The following ZNF891 variants were observed in gnomAD, a reference collection of about 807,000 sequenced individuals.
ZNF891 encodes the protein zinc finger protein 891.
For missense variants in ZNF891, 589 were observed against 632.7 expected, an observed-to-expected ratio of 0.93 and a Z score of 0.74; for synonymous variants, 199 against 209.0, an observed-to-expected ratio of 0.95 and a Z score of 0.41.
In ZNF891 at chr12:133,121,119, T is replaced by C. The variant is rs770345054; in HGVS notation, c.800A>G (p.Tyr267Cys). 3.5e-5 allele frequency: 54 copies of C among 1,535,432 alleles called. No homozygotes were observed. Among genetic ancestry groups the C allele is most frequent in the Non-Finnish European group, 4.3e-5 (49 of 1,146,816 alleles). Reference sequence around the variant, plus strand: ...GTGCATTCCATGTTTAGAATATGTGTACTCTTTTTGTACTGTTTGATTTCT... The same window carrying C: ...GTGCATTCCATGTTTAGAATATGTGCACTCTTTTTGTACTGTTTGATTTCT... ...FQRNQTVQKEYTYSKHGMHFT... is the reference protein window; with the variant it reads ...FQRNQTVQKECTYSKHGMHFT... The change falls in exon 2 of 2, where the codon TAC (tyrosine) becomes TGC (cysteine). Residue 267 changes from tyrosine (Y) to cysteine (C), a missense_variant. Physicochemically the swap from Tyr to Cys is radical, Grantham distance 194 (BLOSUM62 -2). Transcript: ENST00000537226.
In ZNF891 at chr12:133,121,201, TAG is replaced by T. The variant is rs1280592734; in HGVS notation, c.716_717del (p.Ser239TyrfsTer3). The T allele has an allele frequency of 9.3e-5, 143 of 1,535,398 alleles. No homozygotes were observed. Among genetic ancestry groups the T allele is most frequent in the Non-Finnish European group, 1.2e-4 (132 of 1,146,842 alleles). On this transcript the variant is annotated frameshift_variant, in exon 2 of 2. Coordinates refer to ENST00000537226, the MANE Select transcript of ZNF891 (RefSeq NM_001277291.2). LOFTEE classifies it low-confidence loss of function (END_TRUNC). ...TGACTTTCATAGAGCTTCTCACTTA[TAG>T]AGTTTTTCACATAATTGTTTATGAT... ...NSIINNYVKN[S>X]ISEKLYESHE...
chr12:133,127,467 C>T (rs1955828686), intron 1 of ZNF891, among the ~76,000 whole-genome samples: 1 of 152,200 alleles, frequency 6.6e-6, no homozygotes, highest in Non-Finnish European at 1.5e-5. Context: ...GCTCCATTTC[C>T]TATCTAGCTT....
rs1323963126 is a variant in ZNF891, at chr12:133,105,453, C to T, written c.*14831G>A. 1.0e-5 allele frequency: 15 copies of T among 1,471,956 alleles called. No homozygotes were observed. Among genetic ancestry groups the T allele is most frequent in the Non-Finnish European group, 1.3e-5 (14 of 1,109,072 alleles). The allele number at this position is 1,471,956 out of a possible 1,614,324, so 91.2% of individuals were successfully genotyped here. ...TGTTGCTAAAGAAGGGAGAAATGGCCTTATTTTATTCAATACAGGAAAAAG... is the reference window on the plus strand; with the variant it reads ...TGTTGCTAAAGAAGGGAGAAATGGCTTTATTTTATTCAATACAGGAAAAAG... On this transcript the variant is annotated 3_prime_UTR_variant, in exon 2 of 2. Coordinates refer to ENST00000537226, the MANE Select transcript of ZNF891 (RefSeq NM_001277291.2).
chr12:133,107,371 T>C lies in ZNF891; in HGVS notation c.*12913A>G, dbSNP rs1955636717. 1 of 152,222 alleles carries C rather than the reference T, an allele frequency of 6.6e-6. No homozygotes were observed. The highest frequency in any genetic ancestry group is 2.4e-5 in the African/African-American group (1 of 41,458). The allele number at this position is 152,222 out of a possible 1,614,324, so 9.4% of individuals were successfully genotyped here. On this transcript the variant is annotated 3_prime_UTR_variant, in exon 2 of 2. Transcript: ENST00000537226. Reference sequence around the variant, plus strand: ...TATTTTGAGGGAAGGGGGATTCCTTTTTGTTTTTTAAGTGAATTCAGAAAA... The same window carrying C: ...TATTTTGAGGGAAGGGGGATTCCTTCTTGTTTTTTAAGTGAATTCAGAAAA...
chr12:133,125,429 T>A (rs897174776), intron 1 of ZNF891: 1 of 154,102 alleles, frequency 6.5e-6, no homozygotes, highest in Admixed American at 6.5e-5. Context: ...AAATAATATA[T>A]AATGTCCAAG....
chr12:133,118,467 C>G lies in ZNF891; in HGVS notation c.*1817G>C, dbSNP rs1386901005. The G allele has an allele frequency of 6.6e-6, 1 of 152,140 alleles. No individual in the cohort carries two copies. Among genetic ancestry groups the G allele is most frequent in the Admixed American group, 6.6e-5 (1 of 15,266 alleles). 9.4% of individuals were successfully genotyped at this position (152,140 alleles called of 1,614,324 possible). On this transcript the variant is annotated 3_prime_UTR_variant, in exon 2 of 2. Coordinates refer to ENST00000537226, the MANE Select transcript of ZNF891 (RefSeq NM_001277291.2). Reference sequence around the variant, plus strand: ...AGACACCTCCTCAATTCTAGAATTGCGTACCAACCTCTTCATCTGGATGTC... The same window carrying G: ...AGACACCTCCTCAATTCTAGAATTGGGTACCAACCTCTTCATCTGGATGTC...
In ZNF891 at chr12:133,114,376, A is replaced by C. The variant is rs1251266780; in HGVS notation, c.*5908T>G. The C allele has an allele frequency of 6.6e-6, 1 of 152,312 alleles. No individual in the cohort carries two copies. The highest frequency in any genetic ancestry group is 2.4e-5 in the African/African-American group (1 of 41,444). The allele number at this position is 152,312 out of a possible 1,614,324, so 9.4% of individuals were successfully genotyped here. On this transcript the variant is annotated 3_prime_UTR_variant, in exon 2 of 2. Coordinates refer to ENST00000537226, the MANE Select transcript of ZNF891 (RefSeq NM_001277291.2). ...GTCTCATGTTACTCAGGCTGGTCTC[A>C]AACTCCTGGGCTCAAGCAATCCTCC...
intron 1 of ZNF891, among the ~76,000 whole-genome samples, chr12:133,122,535 G>A (rs923520472): frequency 6.6e-6 from 1 of 152,180 alleles, no homozygotes; most frequent in Non-Finnish European, 1.5e-5. Flanking sequence ...CTTTGAAACA[G>A]ATGTTCACTT....
In ZNF891 at chr12:133,105,055, GA is replaced by G. The variant is rs1308444481; in HGVS notation, c.*15228del. Among the ~76,000 whole-genome samples, 1 of 152,130 alleles carries G rather than the reference GA, an allele frequency of 6.6e-6. No homozygotes were observed. The highest frequency in any genetic ancestry group is 1.5e-5 in the Non-Finnish European group (1 of 68,022). On this transcript the variant is annotated 3_prime_UTR_variant, in exon 2 of 2. Transcript: ENST00000537226. ...GGAGGATCATAGGCAAGTTTTCAGA[GA>G]AACCGCTTTTTTTTTCATTTAGATT...
chr12:133,119,542 C>T lies in ZNF891; in HGVS notation c.*742G>A, dbSNP rs1346892067. On this transcript the variant is annotated 3_prime_UTR_variant, in exon 2 of 2. Coordinates refer to ENST00000537226, the MANE Select transcript of ZNF891 (RefSeq NM_001277291.2). ...TGGGCAACATACCGAGACTCCATCT[C>T]AAAAAACAAACAAAAAACCTTATTT... is the stretch of plus-strand genomic sequence containing the variant. 1 of 146,562 alleles carries T rather than the reference C, an allele frequency of 6.8e-6. No individual in the cohort carries two copies. The highest frequency in any genetic ancestry group is 1.5e-5 in the Non-Finnish European group (1 of 64,548). 9.1% of individuals were successfully genotyped at this position (146,562 alleles called of 1,614,324 possible). A position where few individuals can be genotyped will look rare whatever the true frequency, so the allele number is the denominator to read the frequency against.
Position 133,106,222 on chromosome 12 carries a change from C to CCTTA in ZNF891, c.*14058_*14061dup. 4 of 1,614,210 alleles carry CCTTA rather than the reference C, an allele frequency of 2.5e-6. No individual in the cohort carries two copies. Among genetic ancestry groups the CCTTA allele is most frequent in the Non-Finnish European group, 3.4e-6 (4 of 1,180,030 alleles). On this transcript the variant is annotated 3_prime_UTR_variant, in exon 2 of 2. Coordinates refer to ENST00000537226, the MANE Select transcript of ZNF891 (RefSeq NM_001277291.2). ...GGAAGGCATTTCGCCGTTTCTCACA[C>CCTTA]CTTACTCGACATCAGAGCATCCATA...
In ZNF891 at chr12:133,107,098, C is replaced by T. The variant is rs1404723343; in HGVS notation, c.*13186G>A. ...GATGCACTTTGGAGATCAGAAAATTCATATTTAAGCAAAGTGATACAAACA... is the reference window on the plus strand; with the variant it reads ...GATGCACTTTGGAGATCAGAAAATTTATATTTAAGCAAAGTGATACAAACA... On this transcript the variant is annotated 3_prime_UTR_variant, in exon 2 of 2. Transcript: ENST00000537226. The T allele has an allele frequency of 1.3e-5, 2 of 153,396 alleles. No individual in the cohort carries two copies. Among genetic ancestry groups the T allele is most frequent in the African/African-American group, 2.4e-5 (1 of 41,446 alleles). 9.5% of individuals were successfully genotyped at this position (153,396 alleles called of 1,614,324 possible).
chr12:133,115,416 A>AAAAAAAAAAAAAAAAAAAAT lies in ZNF891; in HGVS notation c.*4867_*4868insATTTTTTTTTTTTTTTTTTT, dbSNP rs1955710657. 6.9e-6 allele frequency: 1 copy of AAAAAAAAAAAAAAAAAAAAT among 145,322 alleles called. No homozygotes were observed. The highest frequency in any genetic ancestry group is 1.5e-5 in the Non-Finnish European group (1 of 65,854). 9.0% of individuals were successfully genotyped at this position (145,322 alleles called of 1,614,324 possible). ...AAAAAAAAAAAAAAAAAAAAAAAAA[A>AAAAAAAAAAAAAAAAAAAAT]GATGTGGGATAAAAGGTATAACTCA... On this transcript the variant is annotated 3_prime_UTR_variant, in exon 2 of 2. Coordinates refer to ENST00000537226, the MANE Select transcript of ZNF891 (RefSeq NM_001277291.2).
chr12:133,121,202 A>G lies in ZNF891; in HGVS notation c.717T>C (p.Ser239=). 6.5e-7 allele frequency: 1 copy of G among 1,535,284 alleles called. No individual in the cohort carries two copies. The change falls in exon 2 of 2, where the codon TCT becomes TCC. Residue 239 remains serine (S), a synonymous_variant. Coordinates refer to ENST00000537226, the MANE Select transcript of ZNF891 (RefSeq NM_001277291.2). ...NSIINNYVKN[S]ISEKLYESHE... is the part of the protein sequence containing the mutation. ...GACTTTCATAGAGCTTCTCACTTATAGAGTTTTTCACATAATTGTTTATGA... is the reference window on the plus strand; with the variant it reads ...GACTTTCATAGAGCTTCTCACTTATGGAGTTTTTCACATAATTGTTTATGA...
rs1252941431 is a variant in ZNF891, at chr12:133,110,190, A to G, written c.*10094T>C. ...ATAACAATATCTGGTGGATTATAAA[A>G]TACACCGAAGTAAATAGCACGACAA... On this transcript the variant is annotated 3_prime_UTR_variant, in exon 2 of 2. Coordinates refer to ENST00000537226, the MANE Select transcript of ZNF891 (RefSeq NM_001277291.2). 2 of 152,276 alleles carry G rather than the reference A, an allele frequency of 1.3e-5. No individual in the cohort carries two copies. Among genetic ancestry groups the G allele is most frequent in the Non-Finnish European group, 2.9e-5 (2 of 68,048 alleles). 9.4% of individuals were successfully genotyped at this position (152,276 alleles called of 1,614,324 possible).
At position 133,117,342 on chromosome 12, in the gene ZNF891, A is replaced by T. The variant is rs1430710943; in HGVS notation, c.*2942T>A. 1 of 152,240 alleles carries T rather than the reference A, an allele frequency of 6.6e-6. No individual in the cohort carries two copies. Among genetic ancestry groups the T allele is most frequent in the Non-Finnish European group, 1.5e-5 (1 of 68,048 alleles). 9.4% of individuals were successfully genotyped at this position (152,240 alleles called of 1,614,324 possible). On this transcript the variant is annotated 3_prime_UTR_variant, in exon 2 of 2. Transcript: ENST00000537226. ...ACTGAAGATCTATTCATAAAGAATAAAAAATATATATATTTGGTTAGTAAT... is the reference window on the plus strand; with the variant it reads ...ACTGAAGATCTATTCATAAAGAATATAAAATATATATATTTGGTTAGTAAT...
chr12:133,120,947 T>C lies in ZNF891; in HGVS notation c.972A>G (p.Gln324=), dbSNP rs912240409. The change falls in exon 2 of 2, where the codon CAA becomes CAG. Residue 324 remains glutamine (Q), a synonymous_variant. Transcript: ENST00000537226. ...AAATCCTTTTGAAGGCTTTTCCACATTGATTGCATTCATGTTTCTTTTCAG... is the reference window on the plus strand; with the variant it reads ...AAATCCTTTTGAAGGCTTTTCCACACTGATTGCATTCATGTTTCTTTTCAG... The part of the protein sequence containing the change: ...THTEKKHECN[Q]CGKAFKRISN... The C allele has an allele frequency of 7.8e-6, 12 of 1,536,024 alleles. No homozygotes were observed. The highest frequency in any genetic ancestry group is 2.4e-5 in the East Asian group (1 of 40,920).
intron 1 of ZNF891, among the ~76,000 whole-genome samples, chr12:133,126,533 C>T (rs1054963471): frequency 3.4e-5 from 5 of 147,564 alleles, no homozygotes; most frequent in Non-Finnish European, 7.5e-5. Context: ...CTGATCTTGG[C>T]TGAACACAGT....
Position 133,110,230 on chromosome 12 carries a change from A to C in ZNF891, c.*10054T>G, listed in dbSNP as rs755837878. On this transcript the variant is annotated 3_prime_UTR_variant, in exon 2 of 2. Transcript: ENST00000537226. ...TAGCACGACAATAGCACAAGAAAGG[A>C]GGGAGACGTTTAAAAGATGAGTCTA... is the stretch of plus-strand genomic sequence containing the variant. The C allele has an allele frequency of 1.3e-5, 2 of 152,246 alleles. No homozygotes were observed. Among genetic ancestry groups the C allele is most frequent in the African/African-American group, 4.8e-5 (2 of 41,470 alleles). 9.4% of individuals were successfully genotyped at this position (152,246 alleles called of 1,614,324 possible). A position where few individuals can be genotyped will look rare whatever the true frequency, so the allele number is the denominator to read the frequency against.
Sources: allele counts gnomAD v4.1 joint callset (sites outside exome capture counted in the v4.1 genomes callset), GRCh38; gene constraint gnomAD v4.1.1; transcripts MANE v1.5; gene names NCBI Gene and HGNC (gene_info 2026-07-23, HGNC 2026-07-21).